TJP1: variants seen among roughly 807,000 people sequenced by gnomAD.
TJP1 encodes the protein tight junction protein ZO-1.
A neutral mutation model predicts 194.2 loss-of-function variants in TJP1; 43 were observed. That is an observed-to-expected ratio of 0.22 (90% CI 0.17 to 0.29). TJP1 has a LOEUF of 0.29. TJP1 is among the 10% of genes least tolerant of loss of function. The probability of loss-of-function intolerance (pLI) is 1.00; values close to 1 mark genes in which losing one functional copy is unlikely to be tolerated. For synonymous variants in TJP1, 801 were observed against 779.0 expected, an observed-to-expected ratio of 1.03 and a Z score of -0.47; for missense variants, 1,971 against 2,185.7, an observed-to-expected ratio of 0.90 and a Z score of 1.96.
rs2042081314 is a variant in TJP1 at position 29,709,045 on chromosome 15, C to T, written c.4373-9G>A. ...CAATGACACTGAATTACCTGAAAAA[C>T]AAACGTAAGCATTTAAATAACTTTC... On this transcript the variant is annotated splice_polypyrimidine_tract_variant and intron_variant, in intron 24 of 27. Transcript: ENST00000614355. 2.5e-6 allele frequency: 4 copies of T among 1,595,360 alleles called. No homozygotes were observed. Among genetic ancestry groups the T allele is most frequent in the Non-Finnish European group, 2.6e-6 (3 of 1,170,040 alleles).
chr15:29,843,842 G>A (rs1372189611), intron 2 of TJP1, among the ~76,000 whole-genome samples: 1 of 152,080 alleles, frequency 6.6e-6, no homozygotes, highest in Non-Finnish European at 1.5e-5. Context: ...TGTGTGGGCT[G>A]GAAGAGGCCA....
At chr15:29,883,990 T>C (rs2053028608) in intron 2 of TJP1, among the ~76,000 whole-genome samples, 1 of 152,154 alleles carries the variant, frequency 6.6e-6, no homozygotes, top group Non-Finnish European at 1.5e-5. Context: ...TCTTAGAAGG[T>C]AAAAATTCCC....
chr15:29,777,932 T>C (rs893953217), intron 2 of TJP1, among the ~76,000 whole-genome samples: 2 of 152,182 alleles, frequency 1.3e-5, no homozygotes, highest in Admixed American at 6.6e-5. Flanking sequence ...CTTTGTAATT[T>C]AGTAATTTGA....
At chr15:29,949,382 A>G (rs2079965650) in intron 2 of TJP1, among the ~76,000 whole-genome samples, 1 of 133,364 alleles carries the variant, frequency 7.5e-6, no homozygotes, top group African/African-American at 2.7e-5. Context: ...CACCACTGCT[A>G]CCTCCACCAC....
At chr15:29,933,290 G>C (rs952540481) in intron 2 of TJP1, among the ~76,000 whole-genome samples, 3 of 152,148 alleles carry the variant, frequency 2.0e-5, no homozygotes. Context: ...GTCATGCTTA[G>C]AGCAATAAAA....
At chr15:29,779,753 A>T (rs9920553) in intron 2 of TJP1, among the ~76,000 whole-genome samples, 15,801 of 152,240 alleles carry the variant, frequency 0.1, 902 homozygotes, top group South Asian at 0.22. Flanking sequence ...CAGCAATGAG[A>T]GTAGGCATGA....
At position 29,822,090 on chromosome 15, in the gene TJP1, C is replaced by T; in HGVS notation, c.-62G>A. 3 of 1,242,782 alleles carry T rather than the reference C, an allele frequency of 2.4e-6. No individual in the cohort carries two copies. Among genetic ancestry groups the T allele is most frequent in the Non-Finnish European group, 3.0e-6 (3 of 992,610 alleles). 77.0% of individuals were successfully genotyped at this position (1,242,782 alleles called of 1,614,324 possible). A position where few individuals can be genotyped will look rare whatever the true frequency, so the allele number is the denominator to read the frequency against. On this transcript the variant is annotated 5_prime_UTR_variant, in exon 1 of 28. Coordinates refer to ENST00000614355, the MANE Select transcript of TJP1 (RefSeq NM_001330239.4). ...CCCGAAACTCCGCGGCGCTGGCCCG[C>T]CCGCTCCTCACGCCACAGCCCAAAT... is the stretch of plus-strand genomic sequence containing the variant.
Position 29,894,358 on chromosome 15 carries a change from C to T in TJP1, c.306+61874G>A, listed in dbSNP as rs142605814. Among the ~76,000 whole-genome samples the T allele has an allele frequency of 2.2e-3, 336 of 152,226 alleles. 2 individuals carry two copies. The highest frequency in any genetic ancestry group is 7.7e-3 in the African/African-American group (321 of 41,528). ...CCTGTAGTCTCAGCTACCTGGGAGA[C>T]GGAGGCAGGAGAATCACTTGAATCC... On this transcript the variant is annotated intron_variant, in intron 2 of 28. Transcript: ENST00000356107.
intron 8 of TJP1, among the ~76,000 whole-genome samples, chr15:29,756,599 C>T (rs1256782846): frequency 6.6e-6 from 1 of 152,140 alleles, no homozygotes; most frequent in Non-Finnish European, 1.5e-5. Flanking sequence ...GAAGAACAAG[C>T]TTGTGTGTTT....
chr15:29,724,331 G>C (rs1467967505), intron 18 of TJP1, among the ~76,000 whole-genome samples: 4 of 152,150 alleles, frequency 2.6e-5, no homozygotes, highest in African/African-American at 9.7e-5. Flanking sequence ...AGTCTCAATG[G>C]CTTCTCAACT....
chr15:29,749,798 C>T (rs541151124), intron 8 of TJP1, among the ~76,000 whole-genome samples: 1 of 152,296 alleles, frequency 6.6e-6, no homozygotes, highest in East Asian at 1.9e-4. Context: ...CTTTGGCACT[C>T]TATCTCAGCA....
At chr15:29,733,497 A>G (rs527417955) in intron 12 of TJP1, among the ~76,000 whole-genome samples, 184 bp from the exon 13 acceptor site, 119 of 152,340 alleles carry the variant, frequency 7.8e-4, no homozygotes, top group African/African-American at 2.8e-3. Flanking sequence ...TAGTACTTCC[A>G]TTTTGCAGAT....
chr15:29,719,266 G>GGATAGACA (rs907636206), intron 20 of TJP1, 128 bp from the exon 21 acceptor site: 2 of 1,147,904 alleles, frequency 1.7e-6, no homozygotes, highest in African/African-American at 3.1e-5. Context: ...TTTATTATCA[G>GGATAGACA]GATAGACAAG....
intron 5 of TJP1, 55 bp downstream of exon 5, chr15:29,766,211 A>G (rs1316446673): frequency 6.4e-6 from 10 of 1,566,052 alleles, no homozygotes; most frequent in Non-Finnish European, 8.6e-6. Flanking sequence ...ACTTCTCATT[A>G]AAATTAGTTT....
At position 29,778,365 on chromosome 15, in the gene TJP1, A is replaced by T. The variant is rs1392415737; in HGVS notation, c.85-5008T>A. On this transcript the variant is annotated intron_variant, in intron 2 of 27. Transcript: ENST00000614355. ...AAAAAATAGCCCCCAGGTGATTCTA[A>T]TGAGCAGCCAGGAACGAGAGCTGCA... Among the ~76,000 whole-genome samples the T allele has an allele frequency of 2.6e-5, 4 of 152,146 alleles. No individual in the cohort carries two copies. In the South Asian group the frequency reaches 8.3e-4, roughly 31 times the overall value.
At chr15:29,744,007 T>C (rs1017060993) in intron 8 of TJP1, among the ~76,000 whole-genome samples, 6 of 152,076 alleles carry the variant, frequency 3.9e-5, no homozygotes, top group Non-Finnish European at 8.8e-5. Context: ...GGTGAAACCC[T>C]GTCTCTACTA....
intron 2 of TJP1, among the ~76,000 whole-genome samples, chr15:29,931,257 G>C (rs969646813): frequency 1.3e-5 from 2 of 152,136 alleles, no homozygotes; most frequent in Non-Finnish European, 2.9e-5. Context: ...CTGCAGAGGA[G>C]GAGGAAGAGG....
intron 1 of TJP1, chr15:29,968,566 C>T: frequency 1.8e-5 from 15 of 836,042 alleles, no homozygotes; most frequent in Non-Finnish European, 2.2e-5. Context: ...GGCCTCGCCC[C>T]CCGCCCGACC....
At chr15:29,928,361 A>T (rs1029092938) in intron 2 of TJP1, among the ~76,000 whole-genome samples, 1 of 152,182 alleles carries the variant, frequency 6.6e-6, no homozygotes, top group Admixed American at 6.5e-5. Flanking sequence ...ATGGTTAAAA[A>T]TTTTTTTAAG....
Sources: gnomAD v4.1 joint callset for allele counts (sites outside exome capture counted in the v4.1 genomes callset) on GRCh38, gnomAD v4.1.1 for gene constraint, MANE v1.5 for transcripts, NCBI Gene and HGNC (gene_info 2026-07-23, HGNC 2026-07-21) for gene names.